Variants in SSH2 observed in about 807,000 individuals in gnomAD.
The protein encoded by SSH2 is protein phosphatase Slingshot homolog 2.
A neutral mutation model predicts 135.2 loss-of-function variants in SSH2; 37 were observed. The ratio of observed to expected loss-of-function variants is 0.27; its 90% CI spans 0.21 to 0.36. The LOEUF (loss-of-function observed/expected upper bound fraction) is 0.36, where lower values mean the gene tolerates loss of function less well. Among genes scored for constraint, SSH2 ranks in the 10% least tolerant of loss-of-function variants. The pLI, the probability that SSH2 is intolerant of heterozygous loss-of-function variation, is 1.00. For synonymous variants in SSH2, 628 were observed against 646.2 expected (o/e 0.97, Z 0.43); for missense variants, 1,408 against 1,765.3 (o/e 0.80, Z 3.63).
intron 3 of SSH2, among the ~76,000 whole-genome samples, chr17:29,763,495 T>TAAA (rs541851534): frequency 1.5e-5 from 2 of 135,570 alleles, no homozygotes; most frequent in Admixed American, 7.4e-5. Context: ...CTGCTGTGAT[T>TAAA]AAAAAAAAAA....
chr17:29,900,548 T>G (rs2092292743), intron 1 of SSH2, among the ~76,000 whole-genome samples: 1 of 152,178 alleles, frequency 6.6e-6, no homozygotes, highest in Non-Finnish European at 1.5e-5. Context: ...TCACTGGCCA[T>G]CAGAGAAATG....
intron 1 of SSH2, among the ~76,000 whole-genome samples, chr17:29,908,141 T>A (rs1377090641): frequency 1.3e-5 from 2 of 152,032 alleles, no homozygotes; most frequent in Non-Finnish European, 2.9e-5. Context: ...TACTTTATAA[T>A]CCTTTCCCTA....
At chr17:29,928,788 A>G (rs1041134590) in intron 1 of SSH2, among the ~76,000 whole-genome samples, 7 of 140,232 alleles carry the variant, frequency 5.0e-5, no homozygotes. Context: ...CAGTTAACAT[A>G]CAAATATTAA....
At chr17:29,840,603 G>C (rs1016007142) in intron 2 of SSH2, among the ~76,000 whole-genome samples, 8 of 152,192 alleles carry the variant, frequency 5.3e-5, no homozygotes, top group African/African-American at 1.7e-4. Flanking sequence ...GAAGAAAATG[G>C]AAGATGGTCA....
chr17:29,775,198 G>A (rs1284558733), intron 3 of SSH2, among the ~76,000 whole-genome samples: 1 of 152,018 alleles, frequency 6.6e-6, no homozygotes, highest in African/African-American at 2.4e-5. Flanking sequence ...GGCTTGGATT[G>A]GACCTTGAGG....
chr17:29,685,968 C>A (rs2038200987), intron 5 of SSH2, among the ~76,000 whole-genome samples: 1 of 151,310 alleles, frequency 6.6e-6, no homozygotes, highest in Non-Finnish European at 1.5e-5. Flanking sequence ...CCTGCCTCAG[C>A]CTCCCGAGCA....
chr17:29,919,772 T>A (rs1295886716), intron 1 of SSH2, among the ~76,000 whole-genome samples: 1 of 152,016 alleles, frequency 6.6e-6, no homozygotes, highest in Non-Finnish European at 1.5e-5. Flanking sequence ...TTTTTTTTTT[T>A]AATGGATTAA....
intron 8 of SSH2, among the ~76,000 whole-genome samples, chr17:29,674,931 G>A (rs2037644006): frequency 6.6e-6 from 1 of 152,212 alleles, no homozygotes; most frequent in Non-Finnish European, 1.5e-5. Flanking sequence ...GGACAAGCTT[G>A]CTTTAGAACA....
chr17:29,797,116 A>C (rs529102238), intron 2 of SSH2, among the ~76,000 whole-genome samples: 1 of 142,350 alleles, frequency 7.0e-6, no homozygotes, highest in African/African-American at 2.6e-5. Context: ...GAGCCACCAC[A>C]CCTGGCCAGT....
chr17:29,928,596 C>T (rs904380261), intron 1 of SSH2: 14 of 398,516 alleles, frequency 3.5e-5, no homozygotes, highest in Middle Eastern at 1.3e-3. Context: ...TGAAACAACA[C>T]AAGATATATA....
intron 1 of SSH2, among the ~76,000 whole-genome samples, chr17:29,878,085 G>A (rs574917153): frequency 1.1e-4 from 16 of 151,556 alleles, no homozygotes; most frequent in Non-Finnish European, 1.5e-4. Flanking sequence ...ACCCTGTCTC[G>A]AAGATAGCAC....
At chr17:29,866,792 G>A (rs1007697911) in intron 1 of SSH2, among the ~76,000 whole-genome samples, 2 of 152,094 alleles carry the variant, frequency 1.3e-5, no homozygotes, top group Admixed American at 6.5e-5. Context: ...CTGCTATTAA[G>A]TTAGCTGCTG....
intron 1 of SSH2, among the ~76,000 whole-genome samples, chr17:29,908,945 C>T (rs1311312048): frequency 2.0e-5 from 3 of 150,896 alleles, no homozygotes; most frequent in African/African-American, 4.9e-5. Context: ...GGCGTGGTGG[C>T]GGGTGCCTGT....
intron 2 of SSH2, among the ~76,000 whole-genome samples, chr17:29,799,902 A>C (rs1166994269): frequency 6.6e-6 from 1 of 152,238 alleles, no homozygotes; most frequent in Non-Finnish European, 1.5e-5. Context: ...TGCTATAATC[A>C]GCTGCATCTA....
At chr17:29,688,578 C>T (rs999795853) in intron 5 of SSH2, among the ~76,000 whole-genome samples, 5 of 152,060 alleles carry the variant, frequency 3.3e-5, no homozygotes, top group Admixed American at 6.6e-5. Flanking sequence ...AATCTTCCCA[C>T]CTCAGCCTCC....
intron 5 of SSH2, among the ~76,000 whole-genome samples, chr17:29,694,266 T>C (rs1048529730): frequency 2.6e-5 from 4 of 152,234 alleles, no homozygotes; most frequent in African/African-American, 9.6e-5. Context: ...GTAGAAATAC[T>C]TTCCAATTTC....
At chr17:29,656,822 CATA>C (rs2036800580) in intron 11 of SSH2, among the ~76,000 whole-genome samples, 2 of 152,128 alleles carry the variant, frequency 1.3e-5, no homozygotes, top group East Asian at 1.9e-4. Context: ...CATTTTCTTA[CATA>C]ATATGATCAT....
Position 29,626,667 on chromosome 17 carries a change from A to G in SSH2, c.*4174T>C, listed in dbSNP as rs1005271774. ...TGGAAAAGTACAGAAGCACCTTGCAATAGCTCTTCATGACGTCAAGGGACC... is the reference window on the plus strand; with the variant it reads ...TGGAAAAGTACAGAAGCACCTTGCAGTAGCTCTTCATGACGTCAAGGGACC... On this transcript the variant is annotated 3_prime_UTR_variant, in exon 16 of 16. Coordinates refer to ENST00000540801, the MANE Select transcript of SSH2 (RefSeq NM_001282129.2). 2.6e-5 allele frequency: 4 copies of G among 152,684 alleles called. No homozygotes were observed. Among genetic ancestry groups the G allele is most frequent in the Admixed American group, 1.3e-4 (2 of 15,278 alleles). 9.5% of individuals were successfully genotyped at this position (152,684 alleles called of 1,614,324 possible). A position where few individuals can be genotyped will look rare whatever the true frequency, so the allele number is the denominator to read the frequency against.
intron 3 of SSH2, among the ~76,000 whole-genome samples, chr17:29,747,800 A>C (rs2040810271): frequency 6.6e-6 from 1 of 152,242 alleles, no homozygotes; most frequent in South Asian, 2.1e-4. Flanking sequence ...GTAGATTAAG[A>C]GGACTCCCAT....
Sources: gnomAD v4.1 joint callset for allele counts (sites outside exome capture counted in the v4.1 genomes callset) on GRCh38, gnomAD v4.1.1 for gene constraint, MANE v1.5 for transcripts, NCBI Gene and HGNC (gene_info 2026-07-23, HGNC 2026-07-21) for gene names.